Variants in MBNL2 observed in about 807,000 individuals in gnomAD.
The protein encoded by MBNL2 is muscleblind like splicing regulator 2.
Under a neutral mutation model 41.9 loss-of-function variants are expected in MBNL2, and 17 were observed. The observed-to-expected ratio is 0.41, with a 90% CI of 0.28 to 0.61. The LOEUF is 0.61. Ranked by LOEUF, MBNL2 falls within the 20% of genes least tolerant of loss-of-function variation. The probability of loss-of-function intolerance (pLI) is 0.35; values close to 1 mark genes in which losing one functional copy is unlikely to be tolerated. For missense variants in MBNL2, 336 were observed against 505.6 expected, an observed-to-expected ratio of 0.66 and a Z score of 3.22; for synonymous variants, 195 against 182.9, an observed-to-expected ratio of 1.07 and a Z score of -0.53.
At chr13:97,170,088 G>A in the MBNL2 span, among the ~76,000 whole-genome samples, 1 of 152,172 alleles carries the variant, frequency 6.6e-6, no homozygotes, top group Non-Finnish European at 1.5e-5. Flanking sequence ...TTCTGACACT[G>A]CACTTCATAG....
At chr13:97,255,049 G>A (rs1353848085) in intron 1 of MBNL2, among the ~76,000 whole-genome samples, 1 of 152,106 alleles carries the variant, frequency 6.6e-6, no homozygotes, top group African/African-American at 2.4e-5. Context: ...CTGCTGCAGG[G>A]TTAACAAACC....
At chr13:97,283,773 C>G (rs757705279) in intron 2 of MBNL2, among the ~76,000 whole-genome samples, 1 of 152,104 alleles carries the variant, frequency 6.6e-6, no homozygotes, top group Non-Finnish European at 1.5e-5. Context: ...AAGAGTAGCA[C>G]CAAATTCCTC....
intron 1 of MBNL2, among the ~76,000 whole-genome samples, chr13:97,242,444 G>T (rs2044479668): frequency 2.0e-5 from 3 of 152,096 alleles, no homozygotes. Context: ...TGCTCAGAGG[G>T]GTTTTACATT....
intron 1 of MBNL2, among the ~76,000 whole-genome samples, chr13:97,233,588 G>A (rs2042777058): frequency 6.6e-6 from 1 of 151,602 alleles, no homozygotes. Context: ...CCAATCATTT[G>A]AAGCCTCAAG....
the MBNL2 span, among the ~76,000 whole-genome samples, chr13:97,144,955 C>G: frequency 6.6e-6 from 1 of 152,130 alleles, no homozygotes; most frequent in Admixed American, 6.6e-5. Context: ...ATATTTGAAC[C>G]CTCTAAACTT....
the MBNL2 span, among the ~76,000 whole-genome samples, chr13:97,161,230 C>A: frequency 2.6e-5 from 4 of 152,170 alleles, no homozygotes; most frequent in Non-Finnish European, 4.4e-5. Context: ...AATTCAATCC[C>A]GCTGGAGTGC....
the MBNL2 span, among the ~76,000 whole-genome samples, chr13:97,144,370 A>G: frequency 6.6e-6 from 1 of 150,612 alleles, no homozygotes; most frequent in African/African-American, 2.5e-5. Context: ...TATCCCAGAA[A>G]TTGTGCATTA....
chr13:97,387,948 C>G (rs2153169762), intron 8 of MBNL2, among the ~76,000 whole-genome samples: 1 of 152,252 alleles, frequency 6.6e-6, no homozygotes, highest in South Asian at 2.1e-4. Flanking sequence ...CTGGCAGACC[C>G]TATGAGTTTT....
intron 1 of MBNL2, among the ~76,000 whole-genome samples, chr13:97,232,022 G>C (rs2042451978): frequency 6.6e-6 from 1 of 152,176 alleles, no homozygotes; most frequent in South Asian, 2.1e-4. Flanking sequence ...GAAGGATAGA[G>C]AGGAAGGGTT....
chr13:97,282,930 T>C (rs745484161), intron 2 of MBNL2, among the ~76,000 whole-genome samples: 2 of 152,208 alleles, frequency 1.3e-5, no homozygotes, highest in Non-Finnish European at 2.9e-5. Flanking sequence ...AATGCAGACA[T>C]GAACAAAGAA....
intron 2 of MBNL2, among the ~76,000 whole-genome samples, chr13:97,323,181 G>C (rs901294152): frequency 2.6e-5 from 4 of 152,208 alleles, no homozygotes; most frequent in Non-Finnish European, 5.9e-5. Context: ...AGCCTTCTGT[G>C]GGGGTAGGTG....
At chr13:97,161,992 GTGGT>G in the MBNL2 span, among the ~76,000 whole-genome samples, 1 of 152,056 alleles carries the variant, frequency 6.6e-6, no homozygotes, top group Admixed American at 6.5e-5. Context: ...TAATTGGCTC[GTGGT>G]TCCACAGGCT....
intron 2 of MBNL2, among the ~76,000 whole-genome samples, chr13:97,295,913 C>T (rs936952467): frequency 3.9e-5 from 6 of 152,170 alleles, no homozygotes; most frequent in African/African-American, 1.4e-4. Flanking sequence ...TTTGCATTTA[C>T]AGTCTCCTAG....
At chr13:97,162,602 A>T in the MBNL2 span, among the ~76,000 whole-genome samples, 1 of 152,144 alleles carries the variant, frequency 6.6e-6, no homozygotes, top group African/African-American at 2.4e-5. Context: ...CCTGGGATAG[A>T]TGTGTATCTA....
intron 1 of MBNL2, among the ~76,000 whole-genome samples, chr13:97,237,767 G>C (rs1481562817): frequency 6.6e-6 from 1 of 152,224 alleles, no homozygotes; most frequent in African/African-American, 2.4e-5. Context: ...TATTCAGAAT[G>C]CAGCAGAGAG....
chr13:97,210,032 G>A, the MBNL2 span, among the ~76,000 whole-genome samples: 1 of 152,182 alleles, frequency 6.6e-6, no homozygotes, highest in Admixed American at 6.5e-5. Context: ...CTGGCCTCAG[G>A]TGATCTGCCC....
intron 1 of MBNL2, among the ~76,000 whole-genome samples, chr13:97,245,413 C>G (rs2045262318): frequency 6.6e-6 from 1 of 152,126 alleles, no homozygotes; most frequent in Non-Finnish European, 1.5e-5. Flanking sequence ...TAGGCTATTC[C>G]AAGTGGTTAC....
At chr13:97,223,200 T>G (rs957751863) in intron 1 of MBNL2, among the ~76,000 whole-genome samples, 2 of 152,348 alleles carry the variant, frequency 1.3e-5, no homozygotes, top group African/African-American at 4.8e-5. Flanking sequence ...GGGTTAATAA[T>G]GCTTACTGCA....
At chr13:97,164,054 T>A in the MBNL2 span, among the ~76,000 whole-genome samples, 1 of 152,252 alleles carries the variant, frequency 6.6e-6, no homozygotes, top group Non-Finnish European at 1.5e-5. Flanking sequence ...TCACCCAGGC[T>A]GGAGTGCAGC....
Sources: gnomAD v4.1 joint callset for allele counts (sites outside exome capture counted in the v4.1 genomes callset) on GRCh38, gnomAD v4.1.1 for gene constraint, MANE v1.5 for transcripts, NCBI Gene and HGNC (gene_info 2026-07-23, HGNC 2026-07-21) for gene names.